Variants in RGS17 observed in about 807,000 individuals in gnomAD.
RGS17 encodes the protein regulator of G-protein signaling 17.
A neutral mutation model predicts 25.5 loss-of-function variants in RGS17; 12 were observed. The ratio of observed to expected loss-of-function variants is 0.47; its 90% confidence interval spans 0.30 to 0.76. RGS17 has a LOEUF of 0.76. Among genes scored for constraint, RGS17 ranks in the 30% least tolerant of loss-of-function variants. The pLI is 0.07. For synonymous variants in RGS17, 71 were observed against 76.9 expected, an observed-to-expected ratio of 0.92 and a Z score of 0.40; for missense variants, 196 against 242.2, an observed-to-expected ratio of 0.81 and a Z score of 1.27.
At chr6:153,047,610 G>A (rs1273275912) in intron 1 of RGS17, among the ~76,000 whole-genome samples, 1 of 152,154 alleles carries the variant, frequency 6.6e-6, no homozygotes, top group Non-Finnish European at 1.5e-5. Flanking sequence ...TCTCATGAAT[G>A]GGATTAGTGC....
At chr6:153,076,396 A>G (rs921275540) in intron 1 of RGS17, among the ~76,000 whole-genome samples, 1 of 152,218 alleles carries the variant, frequency 6.6e-6, no homozygotes, top group East Asian at 1.9e-4. Flanking sequence ...AATTAGAATT[A>G]TTCACAGGAC....
chr6:153,056,004 G>T (rs547136609), intron 1 of RGS17, among the ~76,000 whole-genome samples: 1 of 152,192 alleles, frequency 6.6e-6, no homozygotes, highest in Non-Finnish European at 1.5e-5. Flanking sequence ...TTAAGGCTAG[G>T]ATGGGAGAAA....
intron 1 of RGS17, among the ~76,000 whole-genome samples, chr6:153,120,632 G>GA (rs1562339565): frequency 6.6e-6 from 1 of 151,944 alleles, no homozygotes; most frequent in African/African-American, 2.4e-5. Context: ...GTAATCCTCC[G>GA]CTTAGAGAGC....
chr6:153,055,602 C>T (rs1257980287), intron 1 of RGS17, among the ~76,000 whole-genome samples: 2 of 152,084 alleles, frequency 1.3e-5, no homozygotes, highest in Non-Finnish European at 2.9e-5. Flanking sequence ...AAGTGTTTTA[C>T]AGCTGGCATC....
At chr6:153,070,672 ATTGT>A (rs1335637855) in intron 1 of RGS17, among the ~76,000 whole-genome samples, 2 of 46,158 alleles carry the variant, frequency 4.3e-5, no homozygotes, top group Non-Finnish European at 8.8e-5. Context: ...CACATGGAAG[ATTGT>A]GTGTGTGTGT....
chr6:153,066,831 G>A (rs1776714716), intron 1 of RGS17, among the ~76,000 whole-genome samples: 1 of 152,134 alleles, frequency 6.6e-6, no homozygotes, highest in African/African-American at 2.4e-5. Flanking sequence ...TAAGAGGTCA[G>A]GAGATCGAGA....
At chr6:153,042,513 A>G (rs928818370) in intron 2 of RGS17, among the ~76,000 whole-genome samples, 3 of 152,172 alleles carry the variant, frequency 2.0e-5, no homozygotes, top group Non-Finnish European at 4.4e-5. Context: ...ACCTTCTGCC[A>G]TGATTGTGAG....
In RGS17 at chr6:153,031,650, A is replaced by G. The variant is rs531270211; in HGVS notation, c.120-5107T>C. On this transcript the variant is annotated intron_variant, in intron 2 of 4. Transcript: ENST00000206262. ...GTCTCAGGCTCATTTTCACTCTGCA[A>G]TGCCATTTCTCTTTACATAGAAGAG... 8.6e-4 allele frequency among the ~76,000 whole-genome samples: 131 copies of G among 152,364 alleles called. 1 individual carries two copies. The highest frequency in any genetic ancestry group is 2.9e-3 in the African/African-American group (120 of 41,590).
chr6:153,057,178 T>C (rs1477806443), intron 1 of RGS17, among the ~76,000 whole-genome samples: 21 of 151,290 alleles, frequency 1.4e-4, no homozygotes, highest in Admixed American at 1.3e-3. Flanking sequence ...TCTGGGTATT[T>C]TGATATATAT....
intron 1 of RGS17, among the ~76,000 whole-genome samples, chr6:153,066,260 A>G (rs1776706905): frequency 6.6e-6 from 1 of 152,108 alleles, no homozygotes; most frequent in Admixed American, 6.6e-5. Context: ...AGATGAGGAG[A>G]AAAGGGGGAA....
At chr6:153,033,857 T>C (rs675021) in intron 2 of RGS17, among the ~76,000 whole-genome samples, 80,204 of 152,074 alleles carry the variant, frequency 0.53, 21,516 homozygotes, top group East Asian at 0.75. Context: ...ATTTTACCTA[T>C]AATTTATAAC....
At chr6:153,101,058 A>C (rs1225864592) in intron 1 of RGS17, among the ~76,000 whole-genome samples, 1 of 152,206 alleles carries the variant, frequency 6.6e-6, no homozygotes, top group Admixed American at 6.5e-5. Flanking sequence ...ACTCGGTTAA[A>C]CTTAATTTGG....
intron 1 of RGS17, among the ~76,000 whole-genome samples, chr6:153,072,652 C>G (rs1776821818): frequency 6.6e-6 from 1 of 152,160 alleles, no homozygotes; most frequent in Non-Finnish European, 1.5e-5. Flanking sequence ...GGGCTAAGCC[C>G]TCAGAGGGCT....
chr6:153,124,132 G>A (rs918861527), intron 1 of RGS17, among the ~76,000 whole-genome samples: 2 of 152,074 alleles, frequency 1.3e-5, no homozygotes, highest in Non-Finnish European at 2.9e-5. Context: ...AAACCCTAAG[G>A]AAATCATTGC....
At chr6:153,112,648 A>G (rs1305161192) in intron 1 of RGS17, among the ~76,000 whole-genome samples, 1 of 152,194 alleles carries the variant, frequency 6.6e-6, no homozygotes, top group African/African-American at 2.4e-5. Flanking sequence ...GAAATGAAGG[A>G]AAAAATGTTA....
intron 2 of RGS17, among the ~76,000 whole-genome samples, chr6:153,034,395 C>G (rs1776206819): frequency 6.6e-6 from 1 of 152,176 alleles, no homozygotes; most frequent in Non-Finnish European, 1.5e-5. Context: ...ACTGAAGAAA[C>G]AGCATCCGCT....
intron 1 of RGS17, among the ~76,000 whole-genome samples, chr6:153,077,152 A>G (rs1776894754): frequency 6.6e-6 from 1 of 152,172 alleles, no homozygotes; most frequent in African/African-American, 2.4e-5. Flanking sequence ...AAATTTCTAG[A>G]CCTAATTTTC....
chr6:153,130,818 G>A lies in RGS17; in HGVS notation c.-26+306C>T, dbSNP rs1412802932. Among the ~76,000 whole-genome samples, 1 of 152,038 alleles carries A rather than the reference G, an allele frequency of 6.6e-6. No homozygotes were observed. Among genetic ancestry groups the A allele is most frequent in the African/African-American group, 2.4e-5 (1 of 41,414 alleles). On this transcript the variant is annotated intron_variant, in intron 1 of 4. Transcript: ENST00000206262. The surrounding 1 kb of genome is among the most constrained non-coding windows in gnomAD (Gnocchi z 6.4). ...CTGGGACCTGGCCGAGCGTTCCCCGGCGGGCAGGACACTCGCCCGGTTCCC... is the reference window on the plus strand; with the variant it reads ...CTGGGACCTGGCCGAGCGTTCCCCGACGGGCAGGACACTCGCCCGGTTCCC...
At chr6:153,021,041 A>G (rs967894219) in intron 4 of RGS17, among the ~76,000 whole-genome samples, 2 of 152,202 alleles carry the variant, frequency 1.3e-5, no homozygotes, top group African/African-American at 4.8e-5. Context: ...AGAACGGCCT[A>G]ACAGACCTTT....
Sources: allele counts gnomAD v4.1 joint callset (sites outside exome capture counted in the v4.1 genomes callset), GRCh38; gene constraint gnomAD v4.1.1; non-coding constraint Gnocchi (gnomAD v3.1); transcripts MANE v1.5; gene names NCBI Gene and HGNC (gene_info 2026-07-23, HGNC 2026-07-21).